The following CNTN1 variants were observed in gnomAD, a reference collection of about 807,000 sequenced individuals.
CNTN1 encodes contactin-1.
CNTN1 carries 38 observed loss-of-function variants against 126.4 expected under a neutral mutation model. That is an observed-to-expected ratio of 0.30 (90% CI 0.23 to 0.39). The LOEUF is 0.39. Among genes scored for constraint, CNTN1 ranks in the 10% least tolerant of loss-of-function variants. The pLI, the probability that CNTN1 is intolerant of heterozygous loss-of-function variation, is 1.00. For synonymous variants in CNTN1, 413 were observed against 422.6 expected (o/e 0.98, Z 0.28); for missense variants, 1,009 against 1,248.4 (o/e 0.81, Z 2.89).
At chr12:41,026,057 AT>A in intron 21 of CNTN1, among the ~76,000 whole-genome samples, 1 of 152,302 alleles carries the variant, frequency 6.6e-6, no homozygotes, top group South Asian at 2.1e-4. Context: ...AAGAACTAGA[AT>A]TTGGTGTCTA....
chr12:40,870,620 A>T (rs547298419), intron 1 of CNTN1, among the ~76,000 whole-genome samples: 3 of 152,262 alleles, frequency 2.0e-5, no homozygotes, highest in Non-Finnish European at 4.4e-5. Flanking sequence ...GTATTTATTG[A>T]GCACCTGCTA....
intron 23 of CNTN1, among the ~76,000 whole-genome samples, chr12:41,056,131 C>T (rs1949796862): frequency 6.6e-6 from 1 of 152,086 alleles, no homozygotes; most frequent in African/African-American, 2.4e-5. Context: ...AGACAATTGG[C>T]ACTCATTTTT....
intron 16 of CNTN1, among the ~76,000 whole-genome samples, chr12:40,988,668 T>A (rs953808193): frequency 6.6e-6 from 1 of 152,200 alleles, no homozygotes; most frequent in Admixed American, 6.5e-5. Context: ...TAAATAGATC[T>A]TTGAATTATT....
intron 1 of CNTN1, among the ~76,000 whole-genome samples, chr12:40,792,757 C>T (rs1293740597): frequency 1.3e-5 from 2 of 151,978 alleles, no homozygotes; most frequent in African/African-American, 2.4e-5. Context: ...TCCTCCAAGA[C>T]CCTTGGCAAA....
At chr12:40,809,541 T>C (rs886992315) in intron 1 of CNTN1, among the ~76,000 whole-genome samples, 2 of 152,148 alleles carry the variant, frequency 1.3e-5, no homozygotes. Context: ...AAAACATTTA[T>C]TGGCCGGGCA....
At chr12:40,965,999 CACACA>C (rs1947295238) in intron 15 of CNTN1, among the ~76,000 whole-genome samples, 1 of 23,430 alleles carries the variant, frequency 4.3e-5, no homozygotes, top group African/African-American at 3.4e-4. Context: ...CTCATCACAC[CACACA>C]CACACACACA....
intron 1 of CNTN1, among the ~76,000 whole-genome samples, chr12:40,820,769 G>T (rs1198920560): frequency 6.6e-6 from 1 of 152,146 alleles, no homozygotes; most frequent in African/African-American, 2.4e-5. Context: ...CTGATGCATG[G>T]CTAATACTGA....
intron 1 of CNTN1, among the ~76,000 whole-genome samples, chr12:40,719,759 A>G (rs1942144298): frequency 1.3e-5 from 2 of 152,240 alleles, no homozygotes; most frequent in African/African-American, 4.8e-5. Flanking sequence ...ATGTGTCAGT[A>G]CCATGCAAAG....
intron 15 of CNTN1, among the ~76,000 whole-genome samples, chr12:40,959,772 A>G (rs1400556122): frequency 6.6e-6 from 1 of 151,720 alleles, no homozygotes; most frequent in East Asian, 1.9e-4. Context: ...TAAAAATGCA[A>G]CCCCTTTGCT....
At chr12:41,037,397 A>G (rs1457171904) in intron 23 of CNTN1, among the ~76,000 whole-genome samples, 1 of 152,132 alleles carries the variant, frequency 6.6e-6, no homozygotes, top group South Asian at 2.1e-4. Flanking sequence ...ATATATATAT[A>G]CAAATACTTG....
chr12:40,707,006 A>G (rs1333550769), intron 1 of CNTN1, among the ~76,000 whole-genome samples: 2 of 151,770 alleles, frequency 1.3e-5, no homozygotes, highest in Admixed American at 1.3e-4. Flanking sequence ...CTTGTGCTTC[A>G]ACAAAACATA....
At chr12:40,775,992 A>G (rs761485772) in intron 1 of CNTN1, among the ~76,000 whole-genome samples, 7 of 151,686 alleles carry the variant, frequency 4.6e-5, no homozygotes, top group Non-Finnish European at 8.9e-5. Context: ...TTTTTGAATT[A>G]TACAGTGTAG....
At chr12:40,944,995 ATTGT>A (rs1231476452) in intron 14 of CNTN1, among the ~76,000 whole-genome samples, 4 of 152,074 alleles carry the variant, frequency 2.6e-5, no homozygotes, top group Non-Finnish European at 4.4e-5. Flanking sequence ...GACATTTAGG[ATTGT>A]TTAAGTCCCA....
At chr12:41,006,510 C>G (rs766739961) in intron 17 of CNTN1, among the ~76,000 whole-genome samples, 2 of 152,226 alleles carry the variant, frequency 1.3e-5, no homozygotes, top group Non-Finnish European at 2.9e-5. Context: ...GTCCCCTAAG[C>G]AGGTGTGATC....
chr12:41,025,066 G>T, intron 20 of CNTN1, 84 bp from the exon 21 acceptor site: 5 of 1,283,572 alleles, frequency 3.9e-6, no homozygotes, highest in Middle Eastern at 2.2e-4. Context: ...CAACACCAAT[G>T]GTAATAGAAC....
chr12:40,901,988 A>G (rs1944625047), intron 1 of CNTN1, among the ~76,000 whole-genome samples: 1 of 152,218 alleles, frequency 6.6e-6, no homozygotes, highest in African/African-American at 2.4e-5. Context: ...CTATATTTAA[A>G]TTGTATTTAA....
chr12:40,833,279 A>T (rs1173552536), intron 1 of CNTN1, among the ~76,000 whole-genome samples: 1 of 152,012 alleles, frequency 6.6e-6, no homozygotes. Flanking sequence ...ATTTTTTAGT[A>T]GAGACAGGGT....
intron 1 of CNTN1, among the ~76,000 whole-genome samples, chr12:40,775,539 G>T (rs1389490160): frequency 6.6e-6 from 1 of 151,354 alleles, no homozygotes; most frequent in Non-Finnish European, 1.5e-5. Context: ...ATTAGGACTA[G>T]GCCACGGTTT....
At chr12:40,694,797 ACT>A (rs1180887092) in intron 1 of CNTN1, among the ~76,000 whole-genome samples, 3 of 152,118 alleles carry the variant, frequency 2.0e-5, no homozygotes, top group Admixed American at 6.5e-5. Context: ...AGATAATTAA[ACT>A]CTGAGAATCT....
Sources: allele counts gnomAD v4.1 joint callset (sites outside exome capture counted in the v4.1 genomes callset), GRCh38; gene constraint gnomAD v4.1.1; transcripts MANE v1.5; gene names NCBI Gene and HGNC (gene_info 2026-07-23, HGNC 2026-07-21).